The following C6orf89 variants were observed in gnomAD, a reference collection of about 807,000 sequenced individuals.
The protein encoded by C6orf89 is bombesin receptor-activated protein C6orf89.
In C6orf89, 29 loss-of-function variants were observed where a neutral mutation model predicts 40.7. The observed-to-expected ratio is 0.71, with a 90% CI of 0.53 to 0.97. C6orf89 has a LOEUF of 0.97. Ranked by LOEUF, C6orf89 falls within the 50% of genes least tolerant of loss-of-function variation. C6orf89 has a pLI of 0.00. For synonymous variants in C6orf89, 165 were observed against 152.2 expected, an observed-to-expected ratio of 1.08 and a Z score of -0.62; for missense variants, 392 against 429.1, an observed-to-expected ratio of 0.91 and a Z score of 0.76.
chr6:36,905,442 G>A (rs1329182359), intron 4 of C6orf89, among the ~76,000 whole-genome samples: 1 of 152,200 alleles, frequency 6.6e-6, no homozygotes, highest in Non-Finnish European at 1.5e-5. Flanking sequence ...CCTAGTCCCT[G>A]AAGAGACAAT....
chr6:36,892,516 T>C (rs562064922), intron 1 of C6orf89, among the ~76,000 whole-genome samples: 1 of 152,188 alleles, frequency 6.6e-6, no homozygotes, highest in East Asian at 1.9e-4. Context: ...TCCTGTCCAG[T>C]TTTGATAATC....
At chr6:36,904,430 T>C (rs1179692025) in intron 4 of C6orf89, among the ~76,000 whole-genome samples, 1 of 152,222 alleles carries the variant, frequency 6.6e-6, no homozygotes, top group African/African-American at 2.4e-5. Context: ...GTTGATTCTA[T>C]TAAAGTGCTG....
At chr6:36,874,814 T>G (rs1324798641) in intron 1 of C6orf89, 2 of 1,607,466 alleles carry the variant, frequency 1.2e-6, no homozygotes, top group East Asian at 4.5e-5. Flanking sequence ...AATTGCTACT[T>G]CCGGCGTCGA....
At chr6:36,919,761 T>C (rs1762452133) in intron 8 of C6orf89, 60 bp downstream of exon 8, 1 of 1,512,074 alleles carries the variant, frequency 6.6e-7, no homozygotes, top group African/African-American at 1.4e-5. Flanking sequence ...ACTCAAAAGC[T>C]ATTTTAAGAA....
chr6:36,896,248 C>T (rs1473201575), intron 2 of C6orf89, among the ~76,000 whole-genome samples: 1 of 152,168 alleles, frequency 6.6e-6, no homozygotes, highest in Non-Finnish European at 1.5e-5. Context: ...GCTGGGATTA[C>T]AGGTGCCTGC....
intron 3 of C6orf89, among the ~76,000 whole-genome samples, chr6:36,901,781 C>T (rs1761729973): frequency 6.6e-6 from 1 of 152,018 alleles, no homozygotes; most frequent in African/African-American, 2.4e-5. Context: ...CGCCATTCTC[C>T]GGCCTCAGCC....
intron 4 of C6orf89, among the ~76,000 whole-genome samples, chr6:36,903,710 C>T (rs1417932066): frequency 6.6e-6 from 1 of 152,126 alleles, no homozygotes; most frequent in Non-Finnish European, 1.5e-5. Context: ...TCTAATGAGT[C>T]ATAAAAATCA....
At chr6:36,885,872 G>A (rs547070885), upstream of C6orf89, 14 of 573,648 alleles carry the variant, frequency 2.4e-5, no homozygotes, top group East Asian at 3.8e-4. Flanking sequence ...CGGAAGCGCT[G>A]GACGAGAGGA....
intron 2 of C6orf89, among the ~76,000 whole-genome samples, chr6:36,897,854 T>TG (rs1249210931): frequency 1.4e-5 from 2 of 141,120 alleles, no homozygotes; most frequent in African/African-American, 5.5e-5. Context: ...ATCTCCTTAC[T>TG]GAGAGAATAC....
chr6:36,923,442 G>C lies in C6orf89; in HGVS notation c.*1G>C, dbSNP rs371455987. 2.0e-4 allele frequency: 320 copies of C among 1,610,678 alleles called. 1 individual carries two copies. Among genetic ancestry groups the C allele is most frequent in the Non-Finnish European group, 2.6e-4 (302 of 1,176,948 alleles). ...TGGAACCGCTTTCTCAGAACTGTAGGAAATAGAACTGTGCACAGGAACAGC... is the reference window on the plus strand; with the variant it reads ...TGGAACCGCTTTCTCAGAACTGTAGCAAATAGAACTGTGCACAGGAACAGC... On this transcript the variant is annotated 3_prime_UTR_variant, in exon 9 of 9. Coordinates refer to ENST00000480824, the MANE Select transcript of C6orf89 (RefSeq NM_001286635.2).
upstream of C6orf89, among the ~76,000 whole-genome samples, chr6:36,884,040 T>A (rs1211889326): frequency 2.0e-5 from 3 of 152,128 alleles, no homozygotes; most frequent in African/African-American, 7.2e-5. This position sits in a 1 kb window ranked among gnomAD's most constrained non-coding sequence, Gnocchi z 4.0. Context: ...GGTAGGCGGA[T>A]CCCCTGAGGT....
At chr6:36,906,696 T>C (rs1023307486) in intron 4 of C6orf89, among the ~76,000 whole-genome samples, 4 of 152,188 alleles carry the variant, frequency 2.6e-5, no homozygotes, top group African/African-American at 9.7e-5. Context: ...GCTCTGGGCA[T>C]GGTGCCACAC....
At chr6:36,891,810 T>C (rs1392390133) in intron 1 of C6orf89, among the ~76,000 whole-genome samples, 1 of 152,246 alleles carries the variant, frequency 6.6e-6, no homozygotes. Context: ...GAAACTTTCT[T>C]TTGAACTGTA....
intron 2 of C6orf89, among the ~76,000 whole-genome samples, chr6:36,897,129 C>CAAAAAAAAAAAAAAAAA (rs34191608): frequency 2.3e-5 from 2 of 85,396 alleles, no homozygotes; most frequent in Admixed American, 1.3e-4. Flanking sequence ...GACTCTGTCT[C>CAAAAAAAAAAAAAAAAA]AAAAAAAAAA....
intron 1 of C6orf89, among the ~76,000 whole-genome samples, chr6:36,875,763 T>C (rs1159205337): frequency 6.6e-6 from 1 of 152,280 alleles, no homozygotes; most frequent in South Asian, 2.1e-4. Context: ...GATATTACTA[T>C]TCCCATTTTA....
At chr6:36,922,833 C>A (rs1001960356) in intron 8 of C6orf89, among the ~76,000 whole-genome samples, 14 of 152,152 alleles carry the variant, frequency 9.2e-5, no homozygotes, top group Admixed American at 5.2e-4. Flanking sequence ...GGTCTTGTGT[C>A]CCCTCGGAAT....
rs1207906980 is a variant in C6orf89 at position 36,927,506 on chromosome 6, AG to A, written c.*4066del. On this transcript the variant is annotated 3_prime_UTR_variant, in exon 9 of 9. Coordinates refer to ENST00000480824, the MANE Select transcript of C6orf89 (RefSeq NM_001286635.2). ...TACCTTTCGAGAATCAGTTATAAAC[AG>A]AAGGGCCTCTTAGGATTTTGAGCTC... 1.3e-5 allele frequency: 2 copies of A among 152,266 alleles called. No individual in the cohort carries two copies. Among genetic ancestry groups the A allele is most frequent in the Non-Finnish European group, 2.9e-5 (2 of 68,052 alleles). 9.4% of individuals were successfully genotyped at this position (152,266 alleles called of 1,614,324 possible).
At chr6:36,904,212 G>A (rs147566315) in intron 4 of C6orf89, among the ~76,000 whole-genome samples, 23 of 152,300 alleles carry the variant, frequency 1.5e-4, no homozygotes, top group African/African-American at 5.5e-4. Context: ...TGAGAAATGG[G>A]GCATCGTCAA....
chr6:36,913,492 G>A (rs910766016), intron 4 of C6orf89, among the ~76,000 whole-genome samples: 1 of 152,172 alleles, frequency 6.6e-6, no homozygotes, highest in Non-Finnish European at 1.5e-5. Context: ...TGTGAAGCAA[G>A]GGTCTATGCA....
Sources: gnomAD v4.1 joint callset for allele counts (sites outside exome capture counted in the v4.1 genomes callset) on GRCh38, gnomAD v4.1.1 for gene constraint, Gnocchi (gnomAD v3.1) non-coding constraint, MANE v1.5 for transcripts, NCBI Gene and HGNC (gene_info 2026-07-23, HGNC 2026-07-21) for gene names.